The following DZIP3 variants were observed in gnomAD, a reference collection of about 807,000 sequenced individuals.
DZIP3 encodes the protein E3 ubiquitin-protein ligase DZIP3.
A neutral mutation model predicts 162.0 loss-of-function variants in DZIP3; 118 were observed. The ratio of observed to expected loss-of-function variants is 0.73; its 90% CI spans 0.63 to 0.85. DZIP3 has a LOEUF of 0.85. Ranked by LOEUF, DZIP3 falls within the 40% of genes least tolerant of loss-of-function variation. DZIP3 has a pLI of 0.00. For synonymous variants in DZIP3, 438 were observed against 458.6 expected (o/e 0.96, Z 0.57); for missense variants, 1,331 against 1,407.0 (o/e 0.95, Z 0.86).
chr3:108,605,674 G>A (rs955122780), intron 2 of DZIP3, among the ~76,000 whole-genome samples: 1 of 152,150 alleles, frequency 6.6e-6, no homozygotes, highest in African/African-American at 2.4e-5. Context: ...ACAGAAGGTG[G>A]AGCTCAGGTG....
At position 108,661,977 on chromosome 3, in the gene DZIP3, G is replaced by A; in HGVS notation, c.2295+5G>A. The A allele has an allele frequency of 6.2e-7, 1 of 1,612,348 alleles. No homozygotes were observed. Among genetic ancestry groups the A allele is most frequent in the Non-Finnish European group, 8.5e-7 (1 of 1,179,016 alleles). On this transcript the variant is annotated splice_donor_5th_base_variant and intron_variant, in intron 20 of 32. Coordinates refer to ENST00000361582, the MANE Select transcript of DZIP3 (RefSeq NM_014648.4). ...AAATTGCACTATCAGTGTGAAGTAAGTATTTTTGCCATTAGATCTGATGGA... is the reference window on the plus strand; with the variant it reads ...AAATTGCACTATCAGTGTGAAGTAAATATTTTTGCCATTAGATCTGATGGA...
chr3:108,591,202 GA>G (rs1424686134), intron 1 of DZIP3, among the ~76,000 whole-genome samples: 1 of 152,240 alleles, frequency 6.6e-6, no homozygotes, highest in African/African-American at 2.4e-5. Flanking sequence ...CTGTATGCCA[GA>G]AACAAGGATG....
At chr3:108,600,469 T>C (rs1939946469) in intron 1 of DZIP3, among the ~76,000 whole-genome samples, 1 of 152,190 alleles carries the variant, frequency 6.6e-6, no homozygotes, top group Non-Finnish European at 1.5e-5. Context: ...GTATATGTGC[T>C]GGTATGAAAA....
In DZIP3 at chr3:108,642,433, TGCA is replaced by T; in HGVS notation, c.1065-3_1065-1del. On this transcript the variant is annotated splice_acceptor_variant and splice_polypyrimidine_tract_variant and intron_variant, in intron 12 of 32. Transcript: ENST00000361582. LOFTEE classifies it high-confidence loss of function. ...CACTATAACTTAATTTTTTTCCTTT[TGCA>T]GTTATAGAAAGTTGATATCTCTGAA... The T allele has an allele frequency of 6.8e-7, 1 of 1,474,818 alleles. No individual in the cohort carries two copies. Among genetic ancestry groups the T allele is most frequent in the Non-Finnish European group, 9.2e-7 (1 of 1,091,888 alleles). 91.4% of individuals were successfully genotyped at this position (1,474,818 alleles called of 1,614,324 possible). A position where few individuals can be genotyped will look rare whatever the true frequency, so the allele number is the denominator to read the frequency against.
At chr3:108,594,894 T>C (rs896398519) in intron 1 of DZIP3, among the ~76,000 whole-genome samples, 4 of 152,204 alleles carry the variant, frequency 2.6e-5, no homozygotes, top group African/African-American at 7.2e-5. Context: ...TAAAGGCTAA[T>C]AGACCAAAAA....
intron 5 of DZIP3, among the ~76,000 whole-genome samples, chr3:108,623,158 A>C (rs941831121): frequency 2.0e-5 from 3 of 151,850 alleles, no homozygotes; most frequent in African/African-American, 7.3e-5. Context: ...TTGGTGTTCT[A>C]TCCCACTGTG....
rs372509683 is a variant in DZIP3 at position 108,605,315 on chromosome 3, A to C, written c.-72-20A>C. 1.3e-6 allele frequency: 2 copies of C among 1,524,234 alleles called. No individual in the cohort carries two copies. Among genetic ancestry groups the C allele is most frequent in the South Asian group, 1.2e-5 (1 of 85,546 alleles). 94.4% of individuals were successfully genotyped at this position (1,524,234 alleles called of 1,614,324 possible). A position where few individuals can be genotyped will look rare whatever the true frequency, so the allele number is the denominator to read the frequency against. ...GAGTGTAACTTTCCTATCTTCATAA[A>C]AATATTATTTTCCTTACAGCATTAA... On this transcript the variant is annotated intron_variant, in intron 1 of 32. Transcript: ENST00000361582.
chr3:108,675,771 C>T lies in DZIP3; in HGVS notation c.2694-15C>T. ...AAAGAAAGAGTTTTCTTTTGTGTCTCCTTTTCTACAACAGCAACCTAGAAT... is the reference window on the plus strand; with the variant it reads ...AAAGAAAGAGTTTTCTTTTGTGTCTTCTTTTCTACAACAGCAACCTAGAAT... On this transcript the variant is annotated splice_polypyrimidine_tract_variant and intron_variant, in intron 24 of 32. Transcript: ENST00000361582. 1 of 1,588,712 alleles carries T rather than the reference C, an allele frequency of 6.3e-7. No homozygotes were observed. The highest frequency in any genetic ancestry group is 1.2e-5 in the South Asian group (1 of 86,220).
intron 19 of DZIP3, 112 bp from the exon 20 acceptor site, chr3:108,661,765 G>C: frequency 1.4e-6 from 1 of 729,886 alleles, no homozygotes. Flanking sequence ...TTGAGTGTTT[G>C]ACTTGAGACA....
At position 108,693,512 on chromosome 3, in the gene DZIP3, T is replaced by C. The variant is rs1944778460; in HGVS notation, c.*159T>C. 6.6e-6 allele frequency: 1 copy of C among 152,144 alleles called. No individual in the cohort carries two copies. The highest frequency in any genetic ancestry group is 1.5e-5 in the Non-Finnish European group (1 of 68,012). 9.4% of individuals were successfully genotyped at this position (152,144 alleles called of 1,614,324 possible). A position where few individuals can be genotyped will look rare whatever the true frequency, so the allele number is the denominator to read the frequency against. ...GTTGCTAGCTTGAAATCTGCGGCAATTGGAGTATTTACACCATAGAAATGC... is the reference window on the plus strand; with the variant it reads ...GTTGCTAGCTTGAAATCTGCGGCAACTGGAGTATTTACACCATAGAAATGC... On this transcript the variant is annotated 3_prime_UTR_variant, in exon 33 of 33. Coordinates refer to ENST00000361582, the MANE Select transcript of DZIP3 (RefSeq NM_014648.4).
chr3:108,631,351 C>T (rs963164224), intron 8 of DZIP3, among the ~76,000 whole-genome samples: 1 of 151,604 alleles, frequency 6.6e-6, no homozygotes, highest in African/African-American at 2.4e-5. Context: ...CCTTTGTATA[C>T]TCTGTTCATA....
intron 13 of DZIP3, 41 bp from the exon 14 acceptor site, chr3:108,644,123 A>G: frequency 1.3e-6 from 2 of 1,539,992 alleles, no homozygotes; most frequent in South Asian, 1.3e-5. Context: ...GAAAATGAGC[A>G]TTAATGTGGA....
chr3:108,688,172 C>T (rs982640357), intron 29 of DZIP3, 76 bp downstream of exon 29: 3 of 1,518,108 alleles, frequency 2.0e-6, no homozygotes, highest in African/African-American at 2.8e-5. Flanking sequence ...TAAATATCTC[C>T]ATAACCTGTT....
chr3:108,609,333 G>T lies in DZIP3; in HGVS notation c.102+1175G>T, dbSNP rs150961081. On this transcript the variant is annotated intron_variant, in intron 3 of 32. Transcript: ENST00000361582. ...TATCGCTGTAAAAAATGCTGCAGAG[G>T]AAGTATGCTATATGCACATGTATGT... Among the ~76,000 whole-genome samples the T allele has an allele frequency of 5.1e-3, 777 of 152,152 alleles. 4 individuals are homozygous for T. The highest frequency in any genetic ancestry group is 0.015 in the African/African-American group (606 of 41,496).
At chr3:108,691,604 C>G (rs756039335) in intron 32 of DZIP3, among the ~76,000 whole-genome samples, 5 of 152,080 alleles carry the variant, frequency 3.3e-5, no homozygotes, top group Admixed American at 6.6e-5. Context: ...GTCTTATGAC[C>G]TGCTTCCAGG....
chr3:108,637,638 T>C (rs1942215925), intron 12 of DZIP3, 90 bp downstream of exon 12: 1 of 1,138,528 alleles, frequency 8.8e-7, no homozygotes. Context: ...TGTCACCTAA[T>C]AGAGCTGCAT....
Position 108,637,363 on chromosome 3 carries a change from C to T in DZIP3, c.1012-133C>T, listed in dbSNP as rs376191100. The stretch of plus-strand genomic sequence containing the variant: ...ATTATTTATTACTTACCTTGTTATT[C>T]ATGTTTTGTTTGTTTTATATTCACT... On this transcript the variant is annotated intron_variant, in intron 11 of 32. Coordinates refer to ENST00000361582, the MANE Select transcript of DZIP3 (RefSeq NM_014648.4). 6.5e-5 allele frequency: 53 copies of T among 810,274 alleles called. 2 individuals are homozygous for T. The highest frequency in any genetic ancestry group is 4.8e-4 in the South Asian group (28 of 58,340). 50.2% of individuals were successfully genotyped at this position (810,274 alleles called of 1,614,324 possible).
At chr3:108,608,925 G>T (rs546220496) in intron 3 of DZIP3, among the ~76,000 whole-genome samples, 2 of 152,260 alleles carry the variant, frequency 1.3e-5, no homozygotes, top group South Asian at 4.1e-4. Context: ...CTGGACAGGA[G>T]GGGGCATGGC....
intron 13 of DZIP3, among the ~76,000 whole-genome samples, 193 bp downstream of exon 13, chr3:108,642,707 C>T (rs1942455826): frequency 6.6e-6 from 1 of 152,176 alleles, no homozygotes; most frequent in South Asian, 2.1e-4. Flanking sequence ...CTATGGATCT[C>T]ACATTACCTT....
Sources: gnomAD v4.1 joint callset for allele counts (sites outside exome capture counted in the v4.1 genomes callset) on GRCh38, gnomAD v4.1.1 for gene constraint, MANE v1.5 for transcripts, NCBI Gene and HGNC (gene_info 2026-07-23, HGNC 2026-07-21) for gene names.